Variants in NEMP1 observed in about 807,000 individuals in gnomAD.
NEMP1 encodes the protein transmembrane protein 194.
In NEMP1, 29 loss-of-function variants were observed where a neutral mutation model predicts 53.7. That is an observed-to-expected ratio of 0.54 (90% CI 0.40 to 0.74). NEMP1 has a LOEUF of 0.74. Ranked by LOEUF, NEMP1 falls within the 30% of genes least tolerant of loss-of-function variation. NEMP1 has a pLI of 0.00. For synonymous variants in NEMP1, 193 were observed against 192.9 expected (o/e 1.00, Z 0.00); for missense variants, 477 against 528.6 (o/e 0.90, Z 0.96).
chr12:57,063,369 A>G (rs1270631120), intron 6 of NEMP1, 25 bp from the exon 7 acceptor site: 9 of 1,583,274 alleles, frequency 5.7e-6, no homozygotes, highest in Admixed American at 1.7e-5. Context: ...ATCAGAAGAC[A>G]TTCTTTTTCA....
rs573548113 is a variant in NEMP1 at position 57,087,240 on chromosome 12, GCCT to G, written n.113+708_113+710del. On this transcript the variant is annotated intron_variant and non_coding_transcript_variant, in intron 1 of 2. Coordinates refer to the NEMP1 transcript ENST00000553654. ...CGCTCACTTGCTCACGCCCTACTCC[GCCT>G]CCTCCTTGGGCGGGCGTCTCCCTCC... is the stretch of plus-strand genomic sequence containing the variant. 3.2e-3 allele frequency among the ~76,000 whole-genome samples: 490 copies of G among 152,016 alleles called. 5 individuals are homozygous for G. The highest frequency in any genetic ancestry group is 6.3e-3 in the Admixed American group (97 of 15,292).
At chr12:57,061,561 T>C (rs2031803383) in intron 7 of NEMP1, among the ~76,000 whole-genome samples, 1 of 151,424 alleles carries the variant, frequency 6.6e-6, no homozygotes, top group Non-Finnish European at 1.5e-5. Flanking sequence ...GGCATGGTGG[T>C]GCATACCTGT....
At chr12:57,077,380 C>T (rs1281467467) in intron 1 of NEMP1, among the ~76,000 whole-genome samples, 1 of 150,828 alleles carries the variant, frequency 6.6e-6, no homozygotes, top group Non-Finnish European at 1.5e-5. Flanking sequence ...CAAGTGTAAT[C>T]CCAGCTACTC....
chr12:57,070,645 T>C lies in NEMP1; in HGVS notation c.472+29A>G, dbSNP rs761075690. ...GAACTCAGTCCTTATCACTACAGAA[T>C]CCATCAGAAAAACAGAGGTGAGACT... On this transcript the variant is annotated intron_variant, in intron 3 of 8. Transcript: ENST00000300128. 2.6e-6 allele frequency: 4 copies of C among 1,527,190 alleles called. No individual in the cohort carries two copies. In the African/African-American group the frequency reaches 5.5e-5, roughly 21 times the overall value. 94.6% of individuals were successfully genotyped at this position (1,527,190 alleles called of 1,614,324 possible).
rs2032306649 is a variant in NEMP1 at position 57,070,750 on chromosome 12, A to G, written c.396T>C (p.Gly132=). 1 of 1,594,254 alleles carries G rather than the reference A, an allele frequency of 6.3e-7. No individual in the cohort carries two copies. ...TGAGGCAGGTTTTTGTGCTGTATAG[A>G]CCCACGTTAACATAGGTGTCATTCA... ...EKLNDTYVNV[G]LYSTKTCLKV... Residue 132 remains glycine, a synonymous_variant, in exon 3 of 9, where the codon GGT becomes GGC. Transcript: ENST00000300128.
chr12:57,072,153 G>C (rs2032379801), intron 2 of NEMP1, among the ~76,000 whole-genome samples: 1 of 152,144 alleles, frequency 6.6e-6, no homozygotes, highest in Admixed American at 6.5e-5. Context: ...AAAGAAAGAA[G>C]GGGGCTGGGT....
chr12:57,083,234 T>C (rs1458635705), upstream of NEMP1, among the ~76,000 whole-genome samples: 5 of 152,166 alleles, frequency 3.3e-5, no homozygotes, highest in Non-Finnish European at 7.3e-5. Context: ...ACTATTAAAA[T>C]ATATAAATGA....
At chr12:57,064,017 T>C in intron 6 of NEMP1, 54 bp downstream of exon 6, 1 of 1,064,118 alleles carries the variant, frequency 9.4e-7, no homozygotes, top group Non-Finnish European at 1.4e-6. Context: ...ATGATCAAAT[T>C]AACTGAAACA....
intron 1 of NEMP1, among the ~76,000 whole-genome samples, chr12:57,085,548 T>C (rs1201825791): frequency 1.3e-5 from 2 of 152,238 alleles, no homozygotes; most frequent in African/African-American, 4.8e-5. Flanking sequence ...AAGGCAGTGG[T>C]TAGGATTATC....
Position 57,070,715 on chromosome 12 carries a change from A to G in NEMP1, c.431T>C (p.Ile144Thr). Residue 144 changes from isoleucine to threonine, a missense_variant, in exon 3 of 9, where the codon ATT (isoleucine) becomes ACT (threonine). Coordinates refer to ENST00000300128, the MANE Select transcript of NEMP1 (RefSeq NM_001130963.2). ...YSTKTCLKVE[I>T]IEKDTKYSVI... is the part of the protein sequence containing the mutation. ...ACTGTACTTGGTGTCCTTCTCTATA[A>G]TCTCAACTTTGAGGCAGGTTTTTGT... 6.4e-7 allele frequency: 1 copy of G among 1,561,630 alleles called. No homozygotes were observed. The highest frequency in any genetic ancestry group is 8.7e-7 in the Non-Finnish European group (1 of 1,151,930).
At chr12:57,062,520 G>T (rs1236025394) in intron 7 of NEMP1, among the ~76,000 whole-genome samples, 2 of 151,250 alleles carry the variant, frequency 1.3e-5, no homozygotes, top group African/African-American at 4.9e-5. Flanking sequence ...ATGAGCATAC[G>T]GTATAAAAGC....
chr12:57,085,194 T>C (rs761028449), intron 1 of NEMP1, among the ~76,000 whole-genome samples: 14 of 152,222 alleles, frequency 9.2e-5, no homozygotes, highest in Admixed American at 1.3e-4. Flanking sequence ...TTTTGTTTTT[T>C]GTTTTTGAGA....
intron 1 of NEMP1, among the ~76,000 whole-genome samples, chr12:57,084,215 G>C (rs1252317734): frequency 1.3e-5 from 2 of 152,274 alleles, no homozygotes; most frequent in African/African-American, 4.8e-5. Flanking sequence ...ACCCACCTCA[G>C]CCTCCCAAAG....
intron 4 of NEMP1, among the ~76,000 whole-genome samples, chr12:57,066,070 C>T (rs369429840): frequency 4.6e-5 from 7 of 151,980 alleles, no homozygotes; most frequent in East Asian, 2.0e-4. Flanking sequence ...CTGGTTAACA[C>T]GGTGAAACCC....
intron 4 of NEMP1, 43 bp from the exon 5 acceptor site, chr12:57,064,782 C>T (rs1322310705): frequency 1.4e-6 from 2 of 1,419,400 alleles, no homozygotes; most frequent in Non-Finnish European, 2.0e-6. Flanking sequence ...GTATATATTT[C>T]ATACATAGCA....
chr12:57,070,634 T>C (rs1433855259), intron 3 of NEMP1, 40 bp downstream of exon 3: 2 of 1,505,158 alleles, frequency 1.3e-6, no homozygotes, highest in South Asian at 1.2e-5. Flanking sequence ...TCAGTCCTTA[T>C]CACTACAGAA....
At chr12:57,068,714 C>T (rs2032209414) in intron 4 of NEMP1, among the ~76,000 whole-genome samples, 1 of 152,088 alleles carries the variant, frequency 6.6e-6, no homozygotes, top group Non-Finnish European at 1.5e-5. Flanking sequence ...TACAGGCGCC[C>T]GCCACCACGC....
chr12:57,082,676 C>T (rs117267420), upstream of NEMP1, among the ~76,000 whole-genome samples: 14,261 of 152,194 alleles, frequency 0.094, 870 homozygotes, highest in Middle Eastern at 0.16. Context: ...CATGCCTCTG[C>T]ACTCCACCCT....
intron 4 of NEMP1, among the ~76,000 whole-genome samples, chr12:57,067,645 C>T (rs926465253): frequency 6.6e-6 from 1 of 152,152 alleles, no homozygotes; most frequent in African/African-American, 2.4e-5. Flanking sequence ...TTGCCCAAAA[C>T]TTGAGGTCAG....
Sources: gnomAD v4.1 joint callset for allele counts (sites outside exome capture counted in the v4.1 genomes callset) on GRCh38, gnomAD v4.1.1 for gene constraint, MANE v1.5 for transcripts, NCBI Gene and HGNC (gene_info 2026-07-23, HGNC 2026-07-21) for gene names.